PTPRT: variants seen among roughly 807,000 people sequenced by gnomAD.
The protein encoded by PTPRT is protein tyrosine phosphatase receptor type T.
A neutral mutation model predicts 176.8 loss-of-function variants in PTPRT; 56 were observed. That is an observed-to-expected ratio of 0.32 (90% CI 0.26 to 0.40). The LOEUF is 0.40. Among genes scored for constraint, PTPRT ranks in the 10% least tolerant of loss-of-function variants. PTPRT has a pLI of 1.00. For missense variants in PTPRT, 1,540 were observed against 1,908.2 expected, an observed-to-expected ratio of 0.81 and a Z score of 3.60; for synonymous variants, 783 against 739.0, an observed-to-expected ratio of 1.06 and a Z score of -0.96.
chr20:42,561,219 C>T (rs1000139717), intron 7 of PTPRT, among the ~76,000 whole-genome samples: 4 of 152,206 alleles, frequency 2.6e-5, no homozygotes, highest in Non-Finnish European at 4.4e-5. Flanking sequence ...TCCTTAGAGG[C>T]TACCATGAGA....
intron 15 of PTPRT, among the ~76,000 whole-genome samples, chr20:42,209,705 T>A (rs560824163): frequency 7.5e-4 from 114 of 152,310 alleles, no homozygotes; most frequent in African/African-American, 2.7e-3. Flanking sequence ...CACAGCTGAA[T>A]TCTACCAGAG....
intron 15 of PTPRT, among the ~76,000 whole-genome samples, chr20:42,220,175 A>G (rs1449021534): frequency 2.0e-5 from 3 of 152,190 alleles, no homozygotes; most frequent in Admixed American, 6.5e-5. Flanking sequence ...ATATAAATCC[A>G]CCAAAATACA....
intron 9 of PTPRT, among the ~76,000 whole-genome samples, chr20:42,359,842 TGGTTCCTGGCC>T (rs1210516065): frequency 5.9e-5 from 9 of 152,326 alleles, no homozygotes; most frequent in South Asian, 2.1e-4. Flanking sequence ...CCCATGCCCG[TGGTTCCTGGCC>T]GTATCAGCCC....
rs77506937 is a variant in PTPRT at position 42,880,873 on chromosome 20, C to T, written c.214+4934G>A. ...GACACAAAAGTAGTTGTGGTTTTTG[C>T]CATTACTTTCAATGGCAAATAACAG... On this transcript the variant is annotated intron_variant, in intron 2 of 30. Transcript: ENST00000373187. Among the ~76,000 whole-genome samples the T allele has an allele frequency of 3.4e-3, 519 of 152,278 alleles. 1 individual carries two copies. Among genetic ancestry groups the T allele is most frequent in the Admixed American group, 5.3e-3 (81 of 15,302 alleles).
At chr20:42,734,740 C>T (rs1313093129) in intron 6 of PTPRT, among the ~76,000 whole-genome samples, 1 of 152,196 alleles carries the variant, frequency 6.6e-6, no homozygotes, top group African/African-American at 2.4e-5. Context: ...TGAATCTATT[C>T]CCTATGCCTC....
intron 7 of PTPRT, among the ~76,000 whole-genome samples, chr20:42,624,643 G>C (rs560911686): frequency 2.7e-4 from 41 of 152,280 alleles, no homozygotes; most frequent in African/African-American, 9.9e-4. Flanking sequence ...GTTCTGAAGA[G>C]AGTAAAGGAG....
intron 2 of PTPRT, among the ~76,000 whole-genome samples, chr20:42,868,019 T>C (rs532312996): frequency 5.9e-4 from 90 of 152,140 alleles, no homozygotes; most frequent in Admixed American, 1.5e-3. Context: ...GTTACAGCAA[T>C]ATGAATGGAC....
chr20:42,892,318 A>C (rs2079207498), intron 1 of PTPRT, among the ~76,000 whole-genome samples: 2 of 152,146 alleles, frequency 1.3e-5, no homozygotes, highest in Non-Finnish European at 2.9e-5. Context: ...CACATGAAGG[A>C]ATGGAGCCAA....
chr20:42,094,692 C>A (rs960799909), intron 27 of PTPRT, among the ~76,000 whole-genome samples: 18 of 152,176 alleles, frequency 1.2e-4, no homozygotes, highest in African/African-American at 4.3e-4. Context: ...GAGATCAAGA[C>A]CAGTCTGGCC....
chr20:42,892,884 G>C (rs892686553), intron 1 of PTPRT, among the ~76,000 whole-genome samples: 10 of 152,178 alleles, frequency 6.6e-5, no homozygotes, highest in African/African-American at 2.4e-4. Context: ...GTGAATGCCT[G>C]AATATATTAA....
Position 42,080,789 on chromosome 20 carries a change from G to C in PTPRT, c.*90C>G. Reference sequence around the variant, plus strand: ...TGGAGTCAGGCAGGGTGCCACCTCAGAGCTCCTGAGCCCAGTTACTGCCAT... The same window carrying C: ...TGGAGTCAGGCAGGGTGCCACCTCACAGCTCCTGAGCCCAGTTACTGCCAT... On this transcript the variant is annotated 3_prime_UTR_variant, in exon 31 of 31. Coordinates refer to ENST00000373187, the MANE Select transcript of PTPRT (RefSeq NM_007050.6). The C allele has an allele frequency of 7.4e-7, 1 of 1,348,198 alleles. No homozygotes were observed. Among genetic ancestry groups the C allele is most frequent in the South Asian group, 1.2e-5 (1 of 84,364 alleles). 83.5% of individuals were successfully genotyped at this position (1,348,198 alleles called of 1,614,324 possible).
At chr20:42,070,437 C>G (rs4378862), downstream of PTPRT, among the ~76,000 whole-genome samples, 16,411 of 151,842 alleles carry the variant, frequency 0.11, 1,867 homozygotes, top group African/African-American at 0.29. Context: ...TCATCAGTCT[C>G]TCTCCAGGAC....
At chr20:42,237,965 G>GA (rs1296984707) in intron 14 of PTPRT, among the ~76,000 whole-genome samples, 1 of 152,078 alleles carries the variant, frequency 6.6e-6, no homozygotes, top group Non-Finnish European at 1.5e-5. Context: ...ACTGCAGAGT[G>GA]GGGGATACGT....
chr20:42,807,220 A>T (rs560153954), intron 2 of PTPRT, among the ~76,000 whole-genome samples: 2 of 152,316 alleles, frequency 1.3e-5, no homozygotes, highest in South Asian at 4.1e-4. Flanking sequence ...ATGGATGCAC[A>T]TCTTCCTTTT....
chr20:42,496,458 A>C (rs1010553373), intron 7 of PTPRT, among the ~76,000 whole-genome samples: 5 of 152,132 alleles, frequency 3.3e-5, no homozygotes, highest in Admixed American at 1.3e-4. Flanking sequence ...CTGTCAGATA[A>C]TCTAATGTAA....
rs1312289693 is a variant in PTPRT, at chr20:42,883,978, CATACACACACGT to C, written c.214+1817_214+1828del. ...ACACCCCCATACACACACACACACG[CATACACACACGT>C]ATACACACTATAAGATCCAGATTTA... On this transcript the variant is annotated intron_variant, in intron 2 of 30. Transcript: ENST00000373187. 1.5e-3 allele frequency among the ~76,000 whole-genome samples: 221 copies of C among 151,900 alleles called. 3 individuals carry two copies. The highest frequency in any genetic ancestry group is 5.2e-3 in the African/African-American group (217 of 41,382).
At chr20:42,833,530 C>T (rs1228294223) in intron 2 of PTPRT, among the ~76,000 whole-genome samples, 1 of 151,730 alleles carries the variant, frequency 6.6e-6, no homozygotes. Context: ...ATGCAGTGAG[C>T]TATGATCACA....
At chr20:42,055,317 C>T in the PTPRT span, among the ~76,000 whole-genome samples, 1 of 152,200 alleles carries the variant, frequency 6.6e-6, no homozygotes, top group Admixed American at 6.5e-5. Context: ...GGTTTATCAC[C>T]TCTTTCCATT....
intron 7 of PTPRT, among the ~76,000 whole-genome samples, chr20:42,539,860 C>A (rs1405467017): frequency 6.6e-6 from 1 of 152,036 alleles, no homozygotes; most frequent in Non-Finnish European, 1.5e-5. Flanking sequence ...AAAGGCAGAG[C>A]AAAACATCCG....
Sources: allele counts gnomAD v4.1 joint callset (sites outside exome capture counted in the v4.1 genomes callset), GRCh38; gene constraint gnomAD v4.1.1; transcripts MANE v1.5; gene names NCBI Gene and HGNC (gene_info 2026-07-23, HGNC 2026-07-21).